PAPPA2: variants seen among roughly 807,000 people sequenced by gnomAD.
PAPPA2 encodes pappalysin-2.
Under a neutral mutation model 176.4 loss-of-function variants are expected in PAPPA2, and 86 were observed. That is an observed-to-expected ratio of 0.49 (90% confidence interval 0.41 to 0.58). The LOEUF is 0.58. Ranked by LOEUF, PAPPA2 falls within the 20% of genes least tolerant of loss-of-function variation. The pLI, the probability that PAPPA2 is intolerant of heterozygous loss-of-function variation, is 0.00. For missense variants in PAPPA2, 2,073 were observed against 2,256.9 expected, an observed-to-expected ratio of 0.92 and a Z score of 1.65; for synonymous variants, 809 against 852.2, an observed-to-expected ratio of 0.95 and a Z score of 0.88.
chr1:176,705,714 AC>A (rs1418801489), intron 9 of PAPPA2, among the ~76,000 whole-genome samples: 2 of 152,196 alleles, frequency 1.3e-5, no homozygotes, highest in Non-Finnish European at 2.9e-5. Context: ...GGAAACAAAA[AC>A]ATTTTTCTTC....
chr1:176,568,410 A>G (rs769434285), intron 2 of PAPPA2, among the ~76,000 whole-genome samples: 8 of 152,240 alleles, frequency 5.3e-5, no homozygotes, highest in Non-Finnish European at 1.0e-4. Flanking sequence ...AAGGAAGAAG[A>G]TGGAGAAACC....
At chr1:176,670,645 C>G (rs1658940532) in intron 3 of PAPPA2, among the ~76,000 whole-genome samples, 1 of 152,056 alleles carries the variant, frequency 6.6e-6, no homozygotes, top group African/African-American at 2.4e-5. Context: ...ATTCTCAAGG[C>G]AAAGAATTCA....
intron 14 of PAPPA2, among the ~76,000 whole-genome samples, chr1:176,764,652 A>G (rs1051352439): frequency 7.8e-4 from 115 of 147,152 alleles, no homozygotes; most frequent in African/African-American, 2.8e-3. Flanking sequence ...GCTGGAGTGC[A>G]GTGGCGAGAT....
At position 176,534,923 on chromosome 1, in the gene PAPPA2, C is replaced by T. The variant is rs561592911; in HGVS notation, c.-916-20484C>T. Among the ~76,000 whole-genome samples the T allele has an allele frequency of 2.0e-3, 310 of 152,258 alleles. 1 individual carries two copies. The highest frequency in any genetic ancestry group is 2.4e-3 in the Non-Finnish European group (160 of 68,014). On this transcript the variant is annotated intron_variant, in intron 1 of 22. Coordinates refer to ENST00000367662, the MANE Select transcript of PAPPA2 (RefSeq NM_020318.3). ...AATCCTGCTTGAACTACACTCAAAT[C>T]CTTTGCAAATTGCTGAATGTCTTGC...
intron 15 of PAPPA2, among the ~76,000 whole-genome samples, chr1:176,767,363 G>A (rs1664022033): frequency 2.0e-5 from 3 of 151,818 alleles, no homozygotes; most frequent in East Asian, 1.9e-4. Context: ...TTTTTGAGAC[G>A]GAGTCTCGCT....
intron 3 of PAPPA2, among the ~76,000 whole-genome samples, chr1:176,630,990 A>T (rs953069361): frequency 6.6e-6 from 1 of 152,206 alleles, no homozygotes; most frequent in East Asian, 1.9e-4. Flanking sequence ...ATAGATTTGG[A>T]TGAATTCATT....
At chr1:176,481,252 G>GCGCA (rs1393732328) in intron 1 of PAPPA2, among the ~76,000 whole-genome samples, 3 of 140,314 alleles carry the variant, frequency 2.1e-5, no homozygotes, top group East Asian at 2.3e-4. Context: ...AGATTTTAAA[G>GCGCA]CACACACACA....
chr1:176,472,344 ATTATCT>A (rs1651918605), intron 1 of PAPPA2, among the ~76,000 whole-genome samples: 1 of 152,112 alleles, frequency 6.6e-6, no homozygotes, highest in African/African-American at 2.4e-5. Context: ...CATTGTAATC[ATTATCT>A]TTATATAGCT....
At chr1:176,535,256 G>A (rs56831400) in intron 1 of PAPPA2, among the ~76,000 whole-genome samples, 27 of 152,312 alleles carry the variant, frequency 1.8e-4, no homozygotes, top group African/African-American at 6.5e-4. Context: ...TAGTAGCCAT[G>A]TTGCACTATG....
At chr1:176,514,662 C>T (rs1051089062) in intron 1 of PAPPA2, among the ~76,000 whole-genome samples, 8 of 152,166 alleles carry the variant, frequency 5.3e-5, no homozygotes, top group African/African-American at 1.2e-4. Context: ...ACAAATTATA[C>T]GACTTAAAAA....
Position 176,771,964 on chromosome 1 carries a change from G to A in PAPPA2, c.4715+784G>A, listed in dbSNP as rs142902389. Among the ~76,000 whole-genome samples, 293 of 152,236 alleles carry A rather than the reference G, an allele frequency of 1.9e-3. 1 individual carries two copies. Among genetic ancestry groups the A allele is most frequent in the African/African-American group, 6.1e-3 (252 of 41,546 alleles). ...GTCTTGGTCTCCTTCCTTTCTTCTA[G>A]GTCTCATTCTTATCCTTTTAAGTTT... On this transcript the variant is annotated intron_variant, in intron 17 of 22. Transcript: ENST00000367662.
chr1:176,564,003 A>G (rs1456703392), intron 2 of PAPPA2, among the ~76,000 whole-genome samples: 1 of 152,000 alleles, frequency 6.6e-6, no homozygotes, highest in Non-Finnish European at 1.5e-5. Context: ...TCAGAGTCAG[A>G]CTTGCAGCAA....
intron 3 of PAPPA2, among the ~76,000 whole-genome samples, chr1:176,640,530 T>C (rs1055816465): frequency 6.6e-6 from 1 of 151,998 alleles, no homozygotes; most frequent in Non-Finnish European, 1.5e-5. Flanking sequence ...ACTCATTTTT[T>C]ATGGCTGCAT....
At chr1:176,649,602 C>T (rs1200236822) in intron 3 of PAPPA2, among the ~76,000 whole-genome samples, 1 of 151,140 alleles carries the variant, frequency 6.6e-6, no homozygotes, top group Non-Finnish European at 1.5e-5. Flanking sequence ...TGTTGTATTT[C>T]CATTTTCATT....
In PAPPA2 at chr1:176,595,376, T is replaced by C. The variant is rs201890893; in HGVS notation, c.1772T>C (p.Ile591Thr). The change falls in exon 3 of 23, where the codon ATT (isoleucine) becomes ACT (threonine). Residue 591 changes from isoleucine (I) to threonine (T), a missense_variant. Coordinates refer to ENST00000367662, the MANE Select transcript of PAPPA2 (RefSeq NM_020318.3). ...VVLVNCEPSK[I>T]GNDHCDPECE... is the part of the protein sequence containing the mutation. ...CTTGTGAACTGTGAGCCCAGCAAGA[T>C]TGGCAATGACCATTGTGACCCCGAG... is the stretch of plus-strand genomic sequence containing the variant. The C allele has an allele frequency of 8.1e-6, 13 of 1,614,036 alleles. No homozygotes were observed. The highest frequency in any genetic ancestry group is 1.6e-4 in the Middle Eastern group (1 of 6,084).
chr1:176,700,620 C>T (rs974327115), intron 8 of PAPPA2, among the ~76,000 whole-genome samples: 1 of 152,156 alleles, frequency 6.6e-6, no homozygotes, highest in African/African-American at 2.4e-5. Flanking sequence ...GGAAGGGTTT[C>T]CAGCAGCAGA....
At chr1:176,712,081 G>T in intron 12 of PAPPA2, 100 bp downstream of exon 12, 10 of 1,404,518 alleles carry the variant, frequency 7.1e-6, no homozygotes, top group Non-Finnish European at 9.6e-6. Context: ...TGGATGACTT[G>T]TCAGAAAATT....
chr1:176,760,206 A>T (rs1157384506), intron 14 of PAPPA2, among the ~76,000 whole-genome samples: 1 of 152,204 alleles, frequency 6.6e-6, no homozygotes, highest in Admixed American at 6.5e-5. Context: ...GTAACACATG[A>T]TTTAATTGTT....
At chr1:176,608,737 G>A (rs1654754316) in intron 3 of PAPPA2, among the ~76,000 whole-genome samples, 1 of 152,106 alleles carries the variant, frequency 6.6e-6, no homozygotes, top group African/African-American at 2.4e-5. Context: ...CAAGTTCCTG[G>A]GCGTTAGGAA....
Sources: allele counts gnomAD v4.1 joint callset (sites outside exome capture counted in the v4.1 genomes callset), GRCh38; gene constraint gnomAD v4.1.1; transcripts MANE v1.5; gene names NCBI Gene and HGNC (gene_info 2026-07-23, HGNC 2026-07-21).